The following ADAMTS12 variants were observed in gnomAD, a reference collection of about 807,000 sequenced individuals.
ADAMTS12 encodes the protein ADAM metallopeptidase with thrombospondin type 1 motif 12.
A neutral mutation model predicts 167.8 loss-of-function variants in ADAMTS12; 118 were observed. The ratio of observed to expected loss-of-function variants is 0.70; its 90% CI spans 0.61 to 0.82. The LOEUF (loss-of-function observed/expected upper bound fraction) is 0.82. Ranked by LOEUF, ADAMTS12 falls within the 40% of genes least tolerant of loss-of-function variation. The pLI, the probability that ADAMTS12 is intolerant of heterozygous loss-of-function variation, is 0.00. For missense variants in ADAMTS12, 1,916 were observed against 1,998.8 expected (o/e 0.96, Z 0.79); for synonymous variants, 704 against 716.9 (o/e 0.98, Z 0.29).
At chr5:33,615,214 C>T (rs997678707) in intron 15 of ADAMTS12, among the ~76,000 whole-genome samples, 1 of 152,218 alleles carries the variant, frequency 6.6e-6, no homozygotes, top group East Asian at 1.9e-4. Context: ...CCACGCTTGA[C>T]CTTCAGCTTC....
chr5:33,627,799 A>G (rs1349792833), intron 13 of ADAMTS12, among the ~76,000 whole-genome samples: 2 of 152,146 alleles, frequency 1.3e-5, no homozygotes, highest in African/African-American at 4.8e-5. Context: ...TGTTTAGTGT[A>G]TCACTGAGAT....
At chr5:33,644,240 G>A (rs764227555) in intron 9 of ADAMTS12, among the ~76,000 whole-genome samples, 10 of 152,058 alleles carry the variant, frequency 6.6e-5, no homozygotes, top group East Asian at 1.9e-4. Context: ...TTTGGAACCC[G>A]TAATTGTTGT....
At chr5:33,768,211 C>CAACTGTACA (rs1159628818) in intron 2 of ADAMTS12, among the ~76,000 whole-genome samples, 7 of 152,158 alleles carry the variant, frequency 4.6e-5, no homozygotes, top group Admixed American at 1.3e-4. Flanking sequence ...TCCTGGCCTC[C>CAACTGTACA]GGTTCCAACT....
At chr5:33,642,442 A>G (rs771216210) in intron 10 of ADAMTS12, among the ~76,000 whole-genome samples, 11 of 152,156 alleles carry the variant, frequency 7.2e-5, no homozygotes, top group Non-Finnish European at 1.6e-4. Context: ...CAGAGAACTC[A>G]TCCGCTGCAA....
chr5:33,610,621 A>C (rs575088742), intron 16 of ADAMTS12, among the ~76,000 whole-genome samples: 1 of 152,358 alleles, frequency 6.6e-6, no homozygotes, highest in East Asian at 1.9e-4. Flanking sequence ...TTAGGTAGAC[A>C]TATTAAAGAA....
In ADAMTS12 at chr5:33,852,639, T is replaced by C. The variant is rs535906004; in HGVS notation, c.489+28480A>G. Among the ~76,000 whole-genome samples, 8 of 152,342 alleles carry C rather than the reference T, an allele frequency of 5.3e-5. No individual in the cohort carries two copies. The South Asian group carries it at 1.7e-3, about 32-fold the overall frequency. ...AATGTCTACATGGAAATGTGCAGTCTGCAAGTTAGAGAAACGGTCTGGTAG... is the reference window on the plus strand; with the variant it reads ...AATGTCTACATGGAAATGTGCAGTCCGCAAGTTAGAGAAACGGTCTGGTAG... On this transcript the variant is annotated intron_variant, in intron 2 of 23. Coordinates refer to ENST00000504830, the MANE Select transcript of ADAMTS12 (RefSeq NM_030955.4).
chr5:33,737,795 T>G (rs1027751025), intron 3 of ADAMTS12, among the ~76,000 whole-genome samples: 7 of 152,248 alleles, frequency 4.6e-5, no homozygotes, highest in Admixed American at 1.3e-4. Flanking sequence ...GAACATTCAC[T>G]GAAAGACTTT....
chr5:33,618,474 T>C (rs909335238), intron 14 of ADAMTS12, among the ~76,000 whole-genome samples: 2 of 152,234 alleles, frequency 1.3e-5, no homozygotes, highest in African/African-American at 4.8e-5. Context: ...TTTCAGTGTC[T>C]GTATCACAGA....
chr5:33,843,662 T>C (rs1243477919), intron 2 of ADAMTS12, among the ~76,000 whole-genome samples: 1 of 152,194 alleles, frequency 6.6e-6, no homozygotes, highest in Non-Finnish European at 1.5e-5. Context: ...GAAGGTACGG[T>C]AGTCACCTCT....
chr5:33,640,666 G>T (rs1344475786), intron 11 of ADAMTS12, among the ~76,000 whole-genome samples: 3 of 152,036 alleles, frequency 2.0e-5, no homozygotes, highest in Non-Finnish European at 4.4e-5. Flanking sequence ...AAATAATTTT[G>T]TGAAGAATTT....
chr5:33,801,073 A>C (rs1300802748), intron 2 of ADAMTS12, among the ~76,000 whole-genome samples: 2 of 152,216 alleles, frequency 1.3e-5, no homozygotes, highest in Non-Finnish European at 2.9e-5. Context: ...CCACAAGCCA[A>C]GCAATGCCAT....
chr5:33,665,956 AT>A (rs1741448787), intron 5 of ADAMTS12, among the ~76,000 whole-genome samples: 1 of 152,226 alleles, frequency 6.6e-6, no homozygotes, highest in African/African-American at 2.4e-5. Flanking sequence ...GGCATATGCC[AT>A]AAATGACTTT....
intron 2 of ADAMTS12, among the ~76,000 whole-genome samples, chr5:33,811,815 G>A (rs1747471782): frequency 6.6e-6 from 1 of 152,160 alleles, no homozygotes; most frequent in Non-Finnish European, 1.5e-5. Context: ...CATTAACCCA[G>A]GTGAGCCAAC....
At chr5:33,689,019 C>G (rs1742454239) in intron 3 of ADAMTS12, among the ~76,000 whole-genome samples, 1 of 152,158 alleles carries the variant, frequency 6.6e-6, no homozygotes, top group Non-Finnish European at 1.5e-5. Context: ...AGACCCAGTA[C>G]CCTAACTGTC....
Position 33,719,201 on chromosome 5 carries a change from A to C in ADAMTS12, c.634+32203T>G, listed in dbSNP as rs572100369. On this transcript the variant is annotated intron_variant, in intron 3 of 23. Coordinates refer to ENST00000504830, the MANE Select transcript of ADAMTS12 (RefSeq NM_030955.4). ...GGTTGTGCCAATGGAAGAGGAATAG[A>C]TACAGATATTTGCTGCAAAGTATGC... Among the ~76,000 whole-genome samples the C allele has an allele frequency of 1.1e-4, 16 of 152,302 alleles. No homozygotes were observed. In the East Asian group the frequency reaches 3.1e-3, roughly 29 times the overall value.
chr5:33,769,577 G>C (rs1245592080), intron 2 of ADAMTS12, among the ~76,000 whole-genome samples: 1 of 152,134 alleles, frequency 6.6e-6, no homozygotes, highest in Non-Finnish European at 1.5e-5. Context: ...GTCCATCTCA[G>C]CCCCAAGAGT....
intron 22 of ADAMTS12, among the ~76,000 whole-genome samples, chr5:33,537,123 C>A (rs1307779511): frequency 3.3e-5 from 5 of 152,164 alleles, no homozygotes; most frequent in African/African-American, 1.2e-4. Flanking sequence ...ACTAGGCACA[C>A]AAATCTTGCT....
At chr5:33,873,912 C>T (rs535511790) in intron 2 of ADAMTS12, among the ~76,000 whole-genome samples, 2 of 152,130 alleles carry the variant, frequency 1.3e-5, no homozygotes, top group South Asian at 4.1e-4. Flanking sequence ...TTATATTCTT[C>T]AAGAAAATTA....
intron 17 of ADAMTS12, among the ~76,000 whole-genome samples, chr5:33,592,826 A>G (rs1747713464): frequency 6.6e-6 from 1 of 152,232 alleles, no homozygotes; most frequent in Admixed American, 6.5e-5. Context: ...TTTTTGGGAA[A>G]GGAAATGACA....
Sources: gnomAD v4.1 joint callset for allele counts (sites outside exome capture counted in the v4.1 genomes callset) on GRCh38, gnomAD v4.1.1 for gene constraint, MANE v1.5 for transcripts, NCBI Gene and HGNC (gene_info 2026-07-23, HGNC 2026-07-21) for gene names.